Variants in RELL1 observed in about 807,000 individuals in gnomAD.
The protein encoded by RELL1 is RELT like 1.
RELL1 carries 10 observed loss-of-function variants against 23.0 expected under a neutral mutation model. That is an observed-to-expected ratio of 0.43 (90% CI 0.27 to 0.74). The LOEUF (loss-of-function observed/expected upper bound fraction) is 0.74, where lower values mean the gene tolerates loss of function less well. Among genes scored for constraint, RELL1 ranks in the 30% least tolerant of loss-of-function variants. The pLI is 0.19. For synonymous variants in RELL1, 146 were observed against 146.8 expected, an observed-to-expected ratio of 0.99 and a Z score of 0.04; for missense variants, 315 against 364.4, an observed-to-expected ratio of 0.86 and a Z score of 1.10.
chr4:37,609,452 C>A (rs1326746892), downstream of RELL1, among the ~76,000 whole-genome samples: 1 of 152,206 alleles, frequency 6.6e-6, no homozygotes, highest in East Asian at 1.9e-4. Context: ...CCTGCTAACA[C>A]AACATCCATT....
At chr4:37,605,797 A>AGAGAAAGAAAGAGAGAG (rs772155221), downstream of RELL1, among the ~76,000 whole-genome samples, 2 of 90,338 alleles carry the variant, frequency 2.2e-5, no homozygotes, top group African/African-American at 9.7e-5. Flanking sequence ...AAGAAAGAGA[A>AGAGAAAGAAAGAGAGAG]AGAAAGAAAG....
At chr4:37,615,516 GCA>G (rs1719546054) in intron 6 of RELL1, among the ~76,000 whole-genome samples, 2 of 152,136 alleles carry the variant, frequency 1.3e-5, no homozygotes, top group Admixed American at 1.3e-4. Flanking sequence ...GTGTGGGTGG[GCA>G]CAGAGACACC....
intron 3 of RELL1, among the ~76,000 whole-genome samples, 182 bp downstream of exon 3, chr4:37,647,186 G>A (rs574376700): frequency 6.6e-6 from 1 of 152,326 alleles, no homozygotes; most frequent in South Asian, 2.1e-4. Flanking sequence ...CGCTTAGACC[G>A]ACTCACGCTT....
intron 6 of RELL1, among the ~76,000 whole-genome samples, chr4:37,619,470 C>T (rs137996695): frequency 0.018 from 2,723 of 152,006 alleles, 97 homozygotes; most frequent in African/African-American, 0.062. Flanking sequence ...CGTGAGCCAC[C>T]GCACCCAGCC....
chr4:37,644,253 C>T (rs1021527508), intron 3 of RELL1, among the ~76,000 whole-genome samples: 1 of 151,642 alleles, frequency 6.6e-6, no homozygotes, highest in Non-Finnish European at 1.5e-5. Flanking sequence ...TTATATAATA[C>T]GCCTCCTCCA....
rs1041448881 is a variant in RELL1, at chr4:37,635,040, C to T, written c.527G>A (p.Cys176Tyr). ...SPGGTPGKHV[C>Y]GHHLHTVGGV... Reference sequence around the variant, plus strand: ...GCCCACCGTATGCAGATGATGGCCACAGACGTGCTTCCCTGGCGTCCCCCC... The same window carrying T: ...GCCCACCGTATGCAGATGATGGCCATAGACGTGCTTCCCTGGCGTCCCCCC... The change falls in exon 5 of 7, where the codon TGT becomes TAT. Residue 176 changes from cysteine to tyrosine, a missense_variant. Coordinates refer to ENST00000454158, the MANE Select transcript of RELL1 (RefSeq NM_001085400.2). 6.2e-7 allele frequency: 1 copy of T among 1,614,248 alleles called. No homozygotes were observed. The highest frequency in any genetic ancestry group is 1.3e-5 in the African/African-American group (1 of 75,054).
At chr4:37,615,630 T>C (rs1044338538) in intron 6 of RELL1, among the ~76,000 whole-genome samples, 2 of 152,178 alleles carry the variant, frequency 1.3e-5, no homozygotes, top group Non-Finnish European at 2.9e-5. Flanking sequence ...GCCTGGCCTA[T>C]CTCTCTTCGG....
downstream of RELL1, chr4:37,588,981 A>G: frequency 9.8e-7 from 1 of 1,021,672 alleles, no homozygotes; most frequent in South Asian, 1.3e-5. Context: ...GCGTGTATTC[A>G]GTGCATTTAT....
chr4:37,669,801 G>T (rs1237743473), intron 1 of RELL1, among the ~76,000 whole-genome samples: 3 of 151,994 alleles, frequency 2.0e-5, no homozygotes, highest in African/African-American at 7.2e-5. Flanking sequence ...ATTAAGGGCG[G>T]TGCAAGATGT....
chr4:37,590,689 A>G, downstream of RELL1: 3 of 1,614,148 alleles, frequency 1.9e-6, no homozygotes, highest in Non-Finnish European at 2.5e-6. Flanking sequence ...CAAGAACCAT[A>G]CTGAGGATGA....
intron 1 of RELL1, among the ~76,000 whole-genome samples, chr4:37,665,966 G>GGAGGGAAGCAAGGGCGTCAC (rs1721517008): frequency 6.6e-6 from 1 of 152,152 alleles, no homozygotes. Flanking sequence ...AAGGGCGTCA[G>GGAGGGAAGCAAGGGCGTCAC]AAAGGAAGAC....
chr4:37,590,952 A>G (rs2109467109), exon 7 of RELL1: 1 of 1,613,904 alleles, frequency 6.2e-7, no homozygotes, highest in Non-Finnish European at 8.5e-7. Context: ...AGGCCCTTGC[A>G]GCTTTAGAAG....
At chr4:37,669,185 G>T (rs1351744494) in intron 1 of RELL1, among the ~76,000 whole-genome samples, 4 of 136,972 alleles carry the variant, frequency 2.9e-5, no homozygotes, top group South Asian at 4.6e-4. Context: ...GGGAGGTGGG[G>T]GGGGGGGTCA....
chr4:37,638,098 C>A (rs1720395654), intron 4 of RELL1, among the ~76,000 whole-genome samples: 1 of 152,206 alleles, frequency 6.6e-6, no homozygotes. Flanking sequence ...CCCTTAACCT[C>A]TATGCCTTCC....
rs566953094 is a variant in RELL1 at position 37,658,700 on chromosome 4, A to G, written c.89-9200T>C. Reference sequence around the variant, plus strand: ...GTAAGAGAGTGCTGTTCATCTACCAATGCCTAAAGTACATTTTCATTATTT... The same window carrying G: ...GTAAGAGAGTGCTGTTCATCTACCAGTGCCTAAAGTACATTTTCATTATTT... On this transcript the variant is annotated intron_variant, in intron 1 of 6. Transcript: ENST00000454158. 3.3e-5 allele frequency among the ~76,000 whole-genome samples: 5 copies of G among 152,310 alleles called. No individual in the cohort carries two copies. In the South Asian group the frequency reaches 1.0e-3, roughly 32 times the overall value.
downstream of RELL1, among the ~76,000 whole-genome samples, chr4:37,606,834 T>C (rs971320787): frequency 6.6e-6 from 1 of 152,216 alleles, no homozygotes; most frequent in Admixed American, 6.5e-5. The surrounding 1 kb of genome is among the most constrained non-coding windows in gnomAD (Gnocchi z 4.1). Context: ...AAATAAGATA[T>C]TGGCCTAATC....
chr4:37,642,927 CCA>C (rs1161167616), intron 3 of RELL1, among the ~76,000 whole-genome samples: 1 of 152,232 alleles, frequency 6.6e-6, no homozygotes, highest in African/African-American at 2.4e-5. Context: ...GCTCTGCGCC[CCA>C]CCCCAATACT....
At chr4:37,682,776 C>T (rs1290922436) in intron 1 of RELL1, among the ~76,000 whole-genome samples, 1 of 152,190 alleles carries the variant, frequency 6.6e-6, no homozygotes, top group African/African-American at 2.4e-5. Context: ...TAAAGCTTAT[C>T]TTTAGTTTCT....
intron 6 of RELL1, among the ~76,000 whole-genome samples, chr4:37,599,946 G>GT (rs1462867424): frequency 6.6e-6 from 1 of 152,090 alleles, no homozygotes; most frequent in Non-Finnish European, 1.5e-5. Context: ...TGCTTAGCAC[G>GT]TACCCAGCAC....
Sources: gnomAD v4.1 joint callset for allele counts (sites outside exome capture counted in the v4.1 genomes callset) on GRCh38, gnomAD v4.1.1 for gene constraint, Gnocchi (gnomAD v3.1) non-coding constraint, MANE v1.5 for transcripts, NCBI Gene and HGNC (gene_info 2026-07-23, HGNC 2026-07-21) for gene names.